RYR2: variants seen among roughly 807,000 people sequenced by gnomAD.
RYR2 encodes the protein cardiac muscle ryanodine receptor-calcium release channel.
RYR2 carries 227 observed loss-of-function variants against 601.1 expected under a neutral mutation model. The observed-to-expected ratio is 0.38, with a 90% CI of 0.34 to 0.42. The LOEUF (loss-of-function observed/expected upper bound fraction) is 0.42, where lower values mean the gene tolerates loss of function less well. RYR2 is among the 10% of genes least tolerant of loss of function. The pLI is 1.00. For synonymous variants in RYR2, 2,223 were observed against 2,175.1 expected, an observed-to-expected ratio of 1.02 and a Z score of -0.61; for missense variants, 4,646 against 6,156.5, an observed-to-expected ratio of 0.75 and a Z score of 8.21.
chr1:237,042,471 G>T lies in RYR2; in HGVS notation c.-51G>T. 1 of 1,239,772 alleles carries T rather than the reference G, an allele frequency of 8.1e-7. No individual in the cohort carries two copies. The highest frequency in any genetic ancestry group is 4.3e-5 in the Admixed American group (1 of 23,476). The allele number at this position is 1,239,772 out of a possible 1,614,324, so 76.8% of individuals were successfully genotyped here. A position where few individuals can be genotyped will look rare whatever the true frequency, so the allele number is the denominator to read the frequency against. ...GGCAGCGCCAGGGGCCGCCGCCGCC[G>T]CCGAGCTCCGCGGGGCTCGGGAGCC... is the stretch of plus-strand genomic sequence containing the variant. On this transcript the variant is annotated 5_prime_UTR_variant, in exon 1 of 105. Coordinates refer to ENST00000366574, the MANE Select transcript of RYR2 (RefSeq NM_001035.3).
chr1:237,135,787 T>C (rs1432882122), intron 1 of RYR2, among the ~76,000 whole-genome samples: 1 of 152,232 alleles, frequency 6.6e-6, no homozygotes, highest in Non-Finnish European at 1.5e-5. Flanking sequence ...CTTTCACACA[T>C]GGCATCTATG....
chr1:237,493,084 G>C lies in RYR2; in HGVS notation c.1958G>C (p.Ser653Thr). Residue 653 changes from serine (S) to threonine (T), a missense_variant, in exon 19 of 105, where the codon AGC becomes ACC. Ser to Thr is a moderately conservative substitution (Grantham distance 58). Transcript: ENST00000366574. ...CAGACACGTCTTGTGAACCATGTCA[G>C]CAGGTAAATTCAGACAGACAATGTC... ...LLQTRLVNHVSSMRPNIFLGV... is the reference protein window; with the variant it reads ...LLQTRLVNHVTSMRPNIFLGV... The C allele has an allele frequency of 6.2e-7, 1 of 1,613,588 alleles. No individual in the cohort carries two copies. The highest frequency in any genetic ancestry group is 8.5e-7 in the Non-Finnish European group (1 of 1,179,776).
rs2148599174 is a variant in RYR2 at position 237,614,872 on chromosome 1, T to G, written c.5715+29T>G. 6.5e-7 allele frequency: 1 copy of G among 1,530,124 alleles called. No homozygotes were observed. The highest frequency in any genetic ancestry group is 2.2e-5 in the Admixed American group (1 of 46,374). 94.8% of individuals were successfully genotyped at this position (1,530,124 alleles called of 1,614,324 possible). ...ATCAGAACAAGAGACTTGAGTGAATTTCAGAATTGCTAAGCATTAAGGTAT... is the reference window on the plus strand; with the variant it reads ...ATCAGAACAAGAGACTTGAGTGAATGTCAGAATTGCTAAGCATTAAGGTAT... On this transcript the variant is annotated intron_variant, in intron 37 of 104. Transcript: ENST00000366574. The surrounding 1 kb of genome is among the most constrained non-coding windows in gnomAD (Gnocchi z 4.3).
rs56923717 is a variant in RYR2 at position 237,350,590 on chromosome 1, AAAAAAAAAAAAAATATATATATATAT to A, written c.274-5373_274-5348del. ...CTGTCTCAAAAAAAAAAAAAAAAAA[AAAAAAAAAAAAAATATATATATATAT>A]ATATATATATATATATATCTCTGAC... On this transcript the variant is annotated intron_variant, in intron 3 of 104. Transcript: ENST00000366574. 7.3e-3 allele frequency among the ~76,000 whole-genome samples: 700 copies of A among 95,696 alleles called. 6 individuals carry two copies. Among genetic ancestry groups the A allele is most frequent in the African/African-American group, 0.027 (660 of 24,230 alleles). The allele number at this position is 95,696 out of a possible 152,430, so 62.8% of individuals were successfully genotyped here. A position where few individuals can be genotyped will look rare whatever the true frequency, so the allele number is the denominator to read the frequency against.
chr1:237,167,803 A>G (rs1432104113), intron 1 of RYR2, among the ~76,000 whole-genome samples: 1 of 146,598 alleles, frequency 6.8e-6, no homozygotes, highest in African/African-American at 2.5e-5. Context: ...ATATGCTTAT[A>G]GCAGCCTTGA....
intron 74 of RYR2, among the ~76,000 whole-genome samples, chr1:237,723,813 A>G (rs1303849053): frequency 6.6e-6 from 1 of 152,088 alleles, no homozygotes; most frequent in East Asian, 1.9e-4. Context: ...GTGTTTTTAT[A>G]TATTTTTTCA....
intron 3 of RYR2, among the ~76,000 whole-genome samples, chr1:237,353,196 A>C (rs549770812): frequency 6.7e-6 from 1 of 149,290 alleles, no homozygotes; most frequent in South Asian, 2.1e-4. Flanking sequence ...TGAAAGAAGC[A>C]AGCAAACTTT....
intron 54 of RYR2, among the ~76,000 whole-genome samples, chr1:237,658,868 G>GA (rs1215296033): frequency 6.6e-6 from 1 of 151,972 alleles, no homozygotes; most frequent in Non-Finnish European, 1.5e-5. Flanking sequence ...GTGTTTTCAA[G>GA]AAAAACAACA....
At chr1:237,556,128 G>A (rs16835398) in intron 27 of RYR2, among the ~76,000 whole-genome samples, 8,544 of 152,050 alleles carry the variant, frequency 0.056, 635 homozygotes, top group African/African-American at 0.17. Context: ...TCGTAACACC[G>A]TTGTGGACAA....
At chr1:237,411,443 G>T (rs1448472954) in intron 10 of RYR2, among the ~76,000 whole-genome samples, 1 of 152,124 alleles carries the variant, frequency 6.6e-6, no homozygotes, top group African/African-American at 2.4e-5. Context: ...ATATCAACAA[G>T]TGTATAATAT....
In RYR2 at chr1:237,536,990, C is replaced by A. The variant is rs77478175; in HGVS notation, c.2906+6480C>A. ...GGATATGAACATAATTCATAAAAAA[C>A]CCCTGCAGATCCAATAAGCATATGA... On this transcript the variant is annotated intron_variant, in intron 25 of 104. Coordinates refer to ENST00000366574, the MANE Select transcript of RYR2 (RefSeq NM_001035.3). 6.6e-5 allele frequency among the ~76,000 whole-genome samples: 10 copies of A among 151,974 alleles called. No homozygotes were observed. The East Asian group carries it at 1.4e-3, about 21-fold the overall frequency.
intron 80 of RYR2, chr1:237,755,076 G>A: frequency 7.8e-7 from 1 of 1,288,880 alleles, no homozygotes; most frequent in Non-Finnish European, 1.0e-6. Flanking sequence ...TATTATCAAA[G>A]ATTTAAGAAA....
In RYR2 at chr1:237,308,729, A is replaced by C. The variant is rs188370551; in HGVS notation, c.169-22149A>C. Reference sequence around the variant, plus strand: ...AGTGCAGACCCAAAGAGTGAGCAGCAGCAAGATTTACTGCAAGGCGTGAAA... The same window carrying C: ...AGTGCAGACCCAAAGAGTGAGCAGCCGCAAGATTTACTGCAAGGCGTGAAA... On this transcript the variant is annotated intron_variant, in intron 2 of 104. Transcript: ENST00000366574. 3.3e-5 allele frequency among the ~76,000 whole-genome samples: 5 copies of C among 152,350 alleles called. No homozygotes were observed. In the East Asian group the frequency reaches 9.6e-4, roughly 29 times the overall value.
intron 46 of RYR2, 25 bp downstream of exon 46, chr1:237,639,226 C>T (rs766493540): frequency 7.8e-5 from 123 of 1,579,888 alleles, no homozygotes; most frequent in Admixed American, 2.3e-4. Context: ...CACACCCTCA[C>T]GAGTGATCCA....
In RYR2 at chr1:237,705,208, T is replaced by C; in HGVS notation, c.9450-5T>C. 1.2e-6 allele frequency: 2 copies of C among 1,606,100 alleles called. No homozygotes were observed. Among genetic ancestry groups the C allele is most frequent in the Non-Finnish European group, 1.7e-6 (2 of 1,175,334 alleles). ...CCTTAAAACATAAGCATTTTCCACT[T>C]ATAGGCAACGTTCTGCATTAGGAGA... On this transcript the variant is annotated splice_region_variant and splice_polypyrimidine_tract_variant and intron_variant, in intron 66 of 104. Transcript: ENST00000366574.
intron 1 of RYR2, among the ~76,000 whole-genome samples, chr1:237,047,944 A>T (rs1660784887): frequency 6.6e-6 from 1 of 152,196 alleles, no homozygotes; most frequent in Admixed American, 6.5e-5. Flanking sequence ...TCTGAGAGCC[A>T]GAGAGATGAA....
At chr1:237,391,501 A>G (rs1702379774) in intron 10 of RYR2, among the ~76,000 whole-genome samples, 2 of 152,320 alleles carry the variant, frequency 1.3e-5, no homozygotes, top group African/African-American at 2.4e-5. Flanking sequence ...GTTAGGAGAC[A>G]TAGTGGAAAC....
At chr1:237,523,699 T>TG in intron 24 of RYR2, among the ~76,000 whole-genome samples, 1 of 151,416 alleles carries the variant, frequency 6.6e-6, no homozygotes, top group Non-Finnish European at 1.5e-5. Context: ...ATTATGCCAC[T>TG]GTCCTCCTGC....
intron 10 of RYR2, among the ~76,000 whole-genome samples, chr1:237,404,378 G>C (rs1197397320): frequency 6.6e-6 from 1 of 152,214 alleles, no homozygotes; most frequent in Non-Finnish European, 1.5e-5. Context: ...TTACTAATTA[G>C]ATCCTGTTAT....
Sources: gnomAD v4.1 joint callset for allele counts (sites outside exome capture counted in the v4.1 genomes callset) on GRCh38, gnomAD v4.1.1 for gene constraint, Gnocchi (gnomAD v3.1) non-coding constraint, MANE v1.5 for transcripts, NCBI Gene and HGNC (gene_info 2026-07-23, HGNC 2026-07-21) for gene names.